RAF1: variants seen among roughly 807,000 people sequenced by gnomAD.
The protein encoded by RAF1 is Raf-1 proto-oncogene, serine/threonine kinase.
Under a neutral mutation model 81.1 loss-of-function variants are expected in RAF1, and 27 were observed. The ratio of observed to expected loss-of-function variants is 0.33; its 90% CI spans 0.25 to 0.46. The LOEUF is 0.46. Among genes scored for constraint, RAF1 ranks in the 20% least tolerant of loss-of-function variants. The probability of loss-of-function intolerance (pLI) is 1.00; values close to 1 mark genes in which losing one functional copy is unlikely to be tolerated. For missense variants in RAF1, 598 were observed against 826.0 expected (o/e 0.72, Z 3.38); for synonymous variants, 298 against 294.0 (o/e 1.01, Z -0.14).
At chr3:12,632,320 G>A (rs1397046108) in intron 1 of RAF1, among the ~76,000 whole-genome samples, 6 of 65,922 alleles carry the variant, frequency 9.1e-5, no homozygotes, top group African/African-American at 2.4e-4. Context: ...GCAAAACTCC[G>A]TCTCAAAAAA....
intron 2 of RAF1, 106 bp from the exon 3 acceptor site, chr3:12,612,168 G>GCA: frequency 3.6e-6 from 3 of 837,722 alleles, no homozygotes; most frequent in Non-Finnish European, 4.1e-6. Context: ...GATGGCCCAC[G>GCA]CACACACACA....
chr3:12,613,544 G>A (rs1391591650), intron 2 of RAF1, among the ~76,000 whole-genome samples: 1 of 151,994 alleles, frequency 6.6e-6, no homozygotes, highest in Non-Finnish European at 1.5e-5. Context: ...CTTAATCTTG[G>A]CTCTTACTCC....
At chr3:12,590,318 T>C (rs1315989293) in intron 13 of RAF1, 2 of 76,466 alleles carry the variant, frequency 2.6e-5, no homozygotes, top group East Asian at 3.5e-4. Context: ...AGGAGGAACC[T>C]GAACTTCTCT....
At chr3:12,622,172 T>C (rs2059575819) in intron 1 of RAF1, among the ~76,000 whole-genome samples, 1 of 152,150 alleles carries the variant, frequency 6.6e-6, no homozygotes, top group Non-Finnish European at 1.5e-5. Context: ...CTCTTTTTTC[T>C]AGATCTTTGA....
intron 14 of RAF1, chr3:12,587,283 T>C (rs2058359711): frequency 4.8e-6 from 2 of 420,588 alleles, no homozygotes; most frequent in Non-Finnish European, 8.6e-6. Context: ...TCAGGTTACA[T>C]TTACTAATAG....
intron 2 of RAF1, among the ~76,000 whole-genome samples, chr3:12,613,185 A>C (rs1403619769): frequency 2.0e-5 from 3 of 152,178 alleles, no homozygotes; most frequent in African/African-American, 4.8e-5. Flanking sequence ...GATACTCACA[A>C]TTAATGGCAG....
chr3:12,654,311 A>C (rs1379651747), intron 1 of RAF1, among the ~76,000 whole-genome samples: 2 of 151,580 alleles, frequency 1.3e-5, no homozygotes, highest in Non-Finnish European at 2.9e-5. Context: ...AGAATAAAAA[A>C]GTATGAGAGG....
In RAF1 at chr3:12,584,951, A is replaced by T. The variant is rs778476881; in HGVS notation, c.1759T>A (p.Ser587Thr). ...TTATATAGCTTACTAAGATCTGGGG[A>T]GGCATATCCTCGGCCCACCATGAAG... The change falls in exon 17 of 18, where the codon TCC (serine) becomes ACC (threonine). Residue 587 changes from serine to threonine, a missense_variant. Physicochemically the swap from Ser to Thr is moderately conservative, Grantham distance 58. Coordinates refer to ENST00000442415, the MANE Select transcript of RAF1 (RefSeq NM_001354689.3). The T allele has an allele frequency of 1.2e-6, 2 of 1,614,130 alleles. No individual in the cohort carries two copies. The highest frequency in any genetic ancestry group is 2.2e-5 in the South Asian group (2 of 91,078).
intron 6 of RAF1, among the ~76,000 whole-genome samples, chr3:12,604,938 G>A (rs1156984392): frequency 6.6e-6 from 1 of 152,138 alleles, no homozygotes; most frequent in African/African-American, 2.4e-5. Flanking sequence ...TTCGAGGTTT[G>A]TTCAGATTCA....
intron 1 of RAF1, among the ~76,000 whole-genome samples, chr3:12,628,965 G>A (rs1201819060): frequency 6.6e-6 from 1 of 152,014 alleles, no homozygotes; most frequent in Non-Finnish European, 1.5e-5. Context: ...TGGCCAGGCT[G>A]GTCTCAAACT....
intron 13 of RAF1, chr3:12,588,390 A>G (rs1559404224): frequency 6.6e-6 from 1 of 152,208 alleles, no homozygotes; most frequent in South Asian, 2.1e-4. Context: ...ACTTGTCATC[A>G]TGCACACATC....
intron 1 of RAF1, among the ~76,000 whole-genome samples, chr3:12,641,439 A>C (rs2060180647): frequency 6.6e-6 from 1 of 151,632 alleles, no homozygotes; most frequent in African/African-American, 2.4e-5. Flanking sequence ...GAAATATAAC[A>C]ATTTCCAAAT....
At chr3:12,605,036 A>G (rs1281775929) in intron 6 of RAF1, among the ~76,000 whole-genome samples, 1 of 152,236 alleles carries the variant, frequency 6.6e-6, no homozygotes. Flanking sequence ...GCCTTCCCAC[A>G]TAATCCTCTG....
intron 1 of RAF1, among the ~76,000 whole-genome samples, chr3:12,653,700 T>C (rs917765493): frequency 5.3e-5 from 8 of 150,460 alleles, no homozygotes; most frequent in Non-Finnish European, 7.4e-5. Context: ...GATCATGCCA[T>C]TGCACTCCAG....
intron 1 of RAF1, among the ~76,000 whole-genome samples, chr3:12,630,855 G>A (rs760654734): frequency 3.9e-5 from 6 of 152,202 alleles, no homozygotes; most frequent in Non-Finnish European, 8.8e-5. Flanking sequence ...CCCAGAGGGA[G>A]TGCAGTGGCA....
intron 1 of RAF1, among the ~76,000 whole-genome samples, chr3:12,645,207 C>T (rs985575291): frequency 3.3e-5 from 5 of 150,856 alleles, no homozygotes; most frequent in Non-Finnish European, 7.4e-5. Flanking sequence ...TAAAACCTAA[C>T]TTCTGAGAAC....
At chr3:12,605,250 A>ATGTGTGTGTGTGTGAGTG (rs2058988182) in intron 6 of RAF1, among the ~76,000 whole-genome samples, 1 of 144,538 alleles carries the variant, frequency 6.9e-6, no homozygotes, top group Non-Finnish European at 1.5e-5. Context: ...ATTACACATT[A>ATGTGTGTGTGTGTGAGTG]TGTGTGTGTG....
At chr3:12,609,663 TAG>T (rs1366590146) in intron 3 of RAF1, among the ~76,000 whole-genome samples, 1 of 152,124 alleles carries the variant, frequency 6.6e-6, no homozygotes, top group Non-Finnish European at 1.5e-5. Context: ...TGTTTTTTGG[TAG>T]AGAGAGAGTC....
At chr3:12,617,731 C>CA (rs1164340189) in intron 2 of RAF1, among the ~76,000 whole-genome samples, 5 of 151,586 alleles carry the variant, frequency 3.3e-5, no homozygotes, top group African/African-American at 4.8e-5. Context: ...ACTAAAAATA[C>CA]AAAAAACAAA....
Sources: gnomAD v4.1 joint callset for allele counts (sites outside exome capture counted in the v4.1 genomes callset) on GRCh38, gnomAD v4.1.1 for gene constraint, MANE v1.5 for transcripts, NCBI Gene and HGNC (gene_info 2026-07-23, HGNC 2026-07-21) for gene names.